The following CDAN1 variants were observed in gnomAD, a reference collection of about 807,000 sequenced individuals.
CDAN1 encodes the protein codanin-1.
In CDAN1, 107 loss-of-function variants were observed where a neutral mutation model predicts 139.8. That is an observed-to-expected ratio of 0.77 (90% CI 0.65 to 0.90). The LOEUF is 0.90. Ranked by LOEUF, CDAN1 falls within the 40% of genes least tolerant of loss-of-function variation. The pLI, the probability that CDAN1 is intolerant of heterozygous loss-of-function variation, is 0.00. For missense variants in CDAN1, 1,667 were observed against 1,575.7 expected, an observed-to-expected ratio of 1.06 and a Z score of -0.98; for synonymous variants, 776 against 660.6, an observed-to-expected ratio of 1.17 and a Z score of -2.68.
Position 42,729,852 on chromosome 15 carries a change from C to A in CDAN1, c.2296G>T (p.Glu766Ter). The change falls in exon 16 of 28, where the codon GAA becomes TAA. Residue 766 changes from glutamate (E) to a stop codon, truncating the protein, a stop_gained. Coordinates refer to ENST00000356231, the MANE Select transcript of CDAN1 (RefSeq NM_138477.4). LOFTEE classifies it high-confidence loss of function. Reference protein sequence around the residue: ...PTVPEDLFFLEEGPSYAFEVD... With the variant: ...PTVPEDLFFL Reference sequence around the variant, plus strand: ...TCAAAGGCATATGAGGGACCCTCTTCCAGAAAGAACAAGTCCTCAGGGACT... The same window carrying A: ...TCAAAGGCATATGAGGGACCCTCTTACAGAAAGAACAAGTCCTCAGGGACT... 6.2e-7 allele frequency: 1 copy of A among 1,613,864 alleles called. No individual in the cohort carries two copies.
chr15:42,732,212 T>C, intron 10 of CDAN1, 121 bp downstream of exon 10: 1 of 963,880 alleles, frequency 1.0e-6, no homozygotes, highest in South Asian at 1.3e-5. Flanking sequence ...AGTAGAACTC[T>C]TGTTCAAATT....
intron 23 of CDAN1, 149 bp from the exon 24 acceptor site, chr15:42,726,566 G>A: frequency 1.5e-6 from 1 of 649,688 alleles, no homozygotes; most frequent in Non-Finnish European, 2.8e-6. Context: ...CTAGACCTGG[G>A]ACTTGGGCAG....
In CDAN1 at chr15:42,727,696, C is replaced by T; in HGVS notation, c.3021G>A (p.Arg1007=). The T allele has an allele frequency of 4.4e-6, 7 of 1,585,542 alleles. No individual in the cohort carries two copies. Among genetic ancestry groups the T allele is most frequent in the Middle Eastern group, 1.7e-4 (1 of 5,926 alleles). Residue 1007 remains arginine (R), a synonymous_variant, in exon 23 of 28, where the codon CGG becomes CGA. Coordinates refer to ENST00000356231, the MANE Select transcript of CDAN1 (RefSeq NM_138477.4). The part of the protein sequence containing the change: ...LRAQGPEPAA[R]GERRGCSRAC... ...CGCGGGAGCAGCCCCTCCGCTCCCCCCGGGCAGCAGGTTCAGGACCCTGGG... is the reference window on the plus strand; with the variant it reads ...CGCGGGAGCAGCCCCTCCGCTCCCCTCGGGCAGCAGGTTCAGGACCCTGGG...
Position 42,736,636 on chromosome 15 carries a change from A to G in CDAN1, c.235T>C (p.Ser79Pro). Reference sequence around the variant, plus strand: ...CCCGGCCTCCCTGGCAAGGCTGCCGAGGCGCCCGGGGTCTTGGCGGGGGTC... The same window carrying G: ...CCCGGCCTCCCTGGCAAGGCTGCCGGGGCGCCCGGGGTCTTGGCGGGGGTC... ...PPTPAKTPGASAALPGRPGGP... is the reference protein window; with the variant it reads ...PPTPAKTPGAPAALPGRPGGP... Residue 79 changes from serine to proline, a missense_variant, in exon 2 of 28, where the codon TCG becomes CCG. By Grantham distance (74) the Ser-to-Pro change is moderately conservative. Around this residue, in one of 3 missense-constraint regions of CDAN1, gnomAD observed 487 missense variants for 422.2 expected, o/e 1.15. Transcript: ENST00000356231. 2 of 1,516,666 alleles carry G rather than the reference A, an allele frequency of 1.3e-6. No individual in the cohort carries two copies. Among genetic ancestry groups the G allele is most frequent in the Non-Finnish European group, 1.8e-6 (2 of 1,132,828 alleles). The allele number at this position is 1,516,666 out of a possible 1,614,324, so 94.0% of individuals were successfully genotyped here.
In CDAN1 at chr15:42,735,389, A is replaced by G; in HGVS notation, c.944-15T>C. On this transcript the variant is annotated splice_polypyrimidine_tract_variant and intron_variant, in intron 4 of 27. Transcript: ENST00000356231. ...TACCAGGTTCTCTAGATAGATACAA[A>G]AAGAAAGCCCATGGTATGGGCACCA... The G allele has an allele frequency of 6.3e-7, 1 of 1,597,092 alleles. No homozygotes were observed. The highest frequency in any genetic ancestry group is 1.7e-4 in the Middle Eastern group (1 of 6,048).
chr15:42,734,345 C>G lies in CDAN1; in HGVS notation c.1138G>C (p.Val380Leu). Reference protein sequence around the residue: ...AVQVLECHFQVLSNLDKGTLK... With the variant: ...AVQVLECHFQLLSNLDKGTLK... ...GTCCCTTTGTCCAGGTTGGAAAGAACCCTGCAGGGACAAGAGCACCTATGA... is the reference window on the plus strand; with the variant it reads ...GTCCCTTTGTCCAGGTTGGAAAGAAGCCTGCAGGGACAAGAGCACCTATGA... The change falls in exon 7 of 28, where the codon GTT (valine) becomes CTT (leucine). Residue 380 changes from valine (V) to leucine (L), a missense_variant and splice_region_variant. By Grantham distance (32) the Val-to-Leu change is conservative. Around this residue, in one of 3 missense-constraint regions of CDAN1, gnomAD observed 244 missense variants for 309.4 expected, o/e 0.79. Transcript: ENST00000356231. 6.2e-7 allele frequency: 1 copy of G among 1,614,044 alleles called. No individual in the cohort carries two copies. Among genetic ancestry groups the G allele is most frequent in the Non-Finnish European group, 8.5e-7 (1 of 1,180,024 alleles).
At position 42,730,119 on chromosome 15, in the gene CDAN1, T is replaced by C; in HGVS notation, c.2262+9A>G. On this transcript the variant is annotated intron_variant, in intron 15 of 27. Coordinates refer to ENST00000356231, the MANE Select transcript of CDAN1 (RefSeq NM_138477.4). ...ACCTCTCTCCAATCTGGACCCTCAC[T>C]CTGCCCACCTGGAAAAGCCAGCCCA... 2 of 1,613,412 alleles carry C rather than the reference T, an allele frequency of 1.2e-6. No homozygotes were observed. Among genetic ancestry groups the C allele is most frequent in the Non-Finnish European group, 1.7e-6 (2 of 1,179,408 alleles).
chr15:42,731,158 C>A, intron 12 of CDAN1, 53 bp downstream of exon 12: 1 of 1,614,204 alleles, frequency 6.2e-7, no homozygotes, highest in African/African-American at 1.3e-5. Context: ...CTTGAACATA[C>A]TCCCTTCCCT....
chr15:42,733,904 C>T, intron 8 of CDAN1, 34 bp downstream of exon 8: 4 of 1,467,598 alleles, frequency 2.7e-6, no homozygotes, highest in Non-Finnish European at 3.8e-6. Flanking sequence ...AATGTCATCT[C>T]ATTCCCTCCC....
rs370530514 is a variant in CDAN1 at position 42,734,209 on chromosome 15, T to A, written c.1257+17A>T. ...GGTTAGGTCCAGGCTAGTGGGCAAC[T>A]AAGCTGGGGTTACTACCTTGGCAAC... On this transcript the variant is annotated intron_variant, in intron 7 of 27. Coordinates refer to ENST00000356231, the MANE Select transcript of CDAN1 (RefSeq NM_138477.4). 3 of 1,613,960 alleles carry A rather than the reference T, an allele frequency of 1.9e-6. No individual in the cohort carries two copies. The African/African-American group carries it at 4.0e-5, about 22-fold the overall frequency.
At chr15:42,733,857 A>T in intron 8 of CDAN1, 81 bp downstream of exon 8, 3 of 1,096,578 alleles carry the variant, frequency 2.7e-6, no homozygotes, top group Non-Finnish European at 4.2e-6. Context: ...CCAAACTCCT[A>T]ATTTCTATGA....
intron 25 of CDAN1, among the ~76,000 whole-genome samples, chr15:42,725,889 T>C (rs937240637): frequency 2.0e-5 from 3 of 148,446 alleles, no homozygotes; most frequent in Admixed American, 6.8e-5. Flanking sequence ...CGAGGCAGAA[T>C]TGCTTGAACC....
Position 42,725,153 on chromosome 15 carries a change from C to T in CDAN1, c.3549G>A (p.Gln1183=), listed in dbSNP as rs1447625107. Reference sequence around the variant, plus strand: ...ACAGGAGACTCCTTACCCCTGGCCACTGGGCCTGGTGGAGGCTGCCCAGGC... The same window carrying T: ...ACAGGAGACTCCTTACCCCTGGCCATTGGGCCTGGTGGAGGCTGCCCAGGC... ...EACLGSLHQA[Q]WPGDFAEELA... The change falls in exon 27 of 28, where the codon CAG becomes CAA. Residue 1183 remains glutamine (Q), a synonymous_variant. Coordinates refer to ENST00000356231, the MANE Select transcript of CDAN1 (RefSeq NM_138477.4). 1 of 1,613,536 alleles carries T rather than the reference C, an allele frequency of 6.2e-7. No individual in the cohort carries two copies. Among genetic ancestry groups the T allele is most frequent in the Non-Finnish European group, 8.5e-7 (1 of 1,179,524 alleles).
chr15:42,736,835 C>A, intron 1 of CDAN1, 55 bp from the exon 2 acceptor site: 1 of 1,466,042 alleles, frequency 6.8e-7, no homozygotes, highest in South Asian at 1.3e-5. Flanking sequence ...GCCCGCGGGC[C>A]GTGAGCAGCC....
intron 8 of CDAN1, among the ~76,000 whole-genome samples, chr15:42,733,507 C>T (rs1486342401): frequency 6.6e-6 from 1 of 152,196 alleles, no homozygotes; most frequent in Non-Finnish European, 1.5e-5. Context: ...AAACTCCTGA[C>T]CTCAGGTGAT....
intron 25 of CDAN1, among the ~76,000 whole-genome samples, 159 bp from the exon 26 acceptor site, chr15:42,725,829 C>G (rs1029950707): frequency 1.3e-5 from 2 of 151,680 alleles, no homozygotes; most frequent in Non-Finnish European, 2.9e-5. Flanking sequence ...TTAAAAATAC[C>G]AAAATTAGCC....
Position 42,725,141 on chromosome 15 carries a change from T to C in CDAN1, c.3558+3A>G, listed in dbSNP as rs1428000128. 1.2e-6 allele frequency: 2 copies of C among 1,610,160 alleles called. No homozygotes were observed. The highest frequency in any genetic ancestry group is 1.1e-5 in the South Asian group (1 of 91,016). ...TCCACCTAAAAGACAGGAGACTCCT[T>C]ACCCCTGGCCACTGGGCCTGGTGGA... On this transcript the variant is annotated splice_donor_region_variant and intron_variant, in intron 27 of 27. Transcript: ENST00000356231.
At chr15:42,727,236 T>TAAAC (rs1013062588) in intron 23 of CDAN1, 4 of 185,054 alleles carry the variant, frequency 2.2e-5, no homozygotes, top group Non-Finnish European at 3.3e-5. Context: ...TGCCTGTAAC[T>TAAAC]AAACAAGCAT....
rs190802841 is a variant in CDAN1 at position 42,729,890 on chromosome 15, C to T, written c.2263-5G>A. 5.1e-4 allele frequency: 829 copies of T among 1,610,426 alleles called. 4 individuals are homozygous for T. The African/African-American group carries it at 0.01, about 20-fold the overall frequency. ...GTCCTCAGGGACTGTGGGAATCTGG[C>T]AAGACAGTCACAATTCAGGTCAACT... On this transcript the variant is annotated splice_polypyrimidine_tract_variant and splice_region_variant and intron_variant, in intron 15 of 27. Transcript: ENST00000356231.
Sources: allele counts gnomAD v4.1 joint callset (sites outside exome capture counted in the v4.1 genomes callset), GRCh38; gene constraint gnomAD v4.1.1; regional missense constraint gnomAD v4.1.1; transcripts MANE v1.5; gene names NCBI Gene and HGNC (gene_info 2026-07-23, HGNC 2026-07-21).